The following RGS6 variants were observed in gnomAD, a reference collection of about 807,000 sequenced individuals.
The protein encoded by RGS6 is regulator of G-protein signaling 6.
RGS6 carries 30 observed loss-of-function variants against 78.5 expected under a neutral mutation model. That is an observed-to-expected ratio of 0.38 (90% CI 0.29 to 0.52). The LOEUF (loss-of-function observed/expected upper bound fraction) is 0.52. Among genes scored for constraint, RGS6 ranks in the 20% least tolerant of loss-of-function variants. The pLI, the probability that RGS6 is intolerant of heterozygous loss-of-function variation, is 0.85. For missense variants in RGS6, 495 were observed against 609.7 expected, an observed-to-expected ratio of 0.81 and a Z score of 1.98; for synonymous variants, 206 against 206.0, an observed-to-expected ratio of 1.00 and a Z score of 0.00.
At chr14:72,500,319 C>G (rs1175939067) in intron 13 of RGS6, among the ~76,000 whole-genome samples, 1 of 152,164 alleles carries the variant, frequency 6.6e-6, no homozygotes, top group Non-Finnish European at 1.5e-5. Flanking sequence ...GAAAACGAAG[C>G]CCTGTTTCTT....
In RGS6 at chr14:72,228,670, A is replaced by G. The variant is rs576488321; in HGVS notation, c.85-123425A>G. ...GTAGTGTGGGACTAAGTTCAGAGACATGCTGGAAGTGGAGCAGGCAGGTTA... is the reference window on the plus strand; with the variant it reads ...GTAGTGTGGGACTAAGTTCAGAGACGTGCTGGAAGTGGAGCAGGCAGGTTA... On this transcript the variant is annotated intron_variant, in intron 2 of 17. Transcript: ENST00000553525. Among the ~76,000 whole-genome samples, 174 of 152,318 alleles carry G rather than the reference A, an allele frequency of 1.1e-3. 1 individual carries two copies. Among genetic ancestry groups the G allele is most frequent in the Non-Finnish European group, 2.0e-3 (135 of 68,034 alleles).
chr14:71,891,029 T>A, the RGS6 span, among the ~76,000 whole-genome samples: 1 of 152,194 alleles, frequency 6.6e-6, no homozygotes, highest in African/African-American at 2.4e-5. Context: ...GGGACAGGGG[T>A]ATTTCTCTAG....
chr14:72,481,862 G>T (rs2096386744), intron 12 of RGS6, among the ~76,000 whole-genome samples: 2 of 142,276 alleles, frequency 1.4e-5, no homozygotes, highest in African/African-American at 2.7e-5. Context: ...AGGCTGGAGT[G>T]CAGTGGTGCA....
the RGS6 span, among the ~76,000 whole-genome samples, chr14:71,926,585 G>GAAAAAAAAAAAAAAAAAAAAAAA: frequency 2.0e-5 from 1 of 51,262 alleles, no homozygotes; most frequent in Non-Finnish European, 3.9e-5. Flanking sequence ...CTCTGTCTCA[G>GAAAAAAAAAAAAAAAAAAAAAAA]AAAAAAAAAA....
chr14:71,876,640 C>T, the RGS6 span, among the ~76,000 whole-genome samples: 1 of 151,856 alleles, frequency 6.6e-6, no homozygotes, highest in African/African-American at 2.4e-5. Context: ...ATTTGCCAGT[C>T]TGTGTCTTTT....
At chr14:71,955,503 G>A (rs1342372406) in intron 1 of RGS6, among the ~76,000 whole-genome samples, 1 of 152,150 alleles carries the variant, frequency 6.6e-6, no homozygotes, top group East Asian at 1.9e-4. Flanking sequence ...AGGGCTTCTG[G>A]TTGCCCATTT....
intron 1 of RGS6, among the ~76,000 whole-genome samples, chr14:71,944,938 A>G (rs1055390521): frequency 2.6e-5 from 4 of 152,202 alleles, no homozygotes; most frequent in Non-Finnish European, 4.4e-5. Context: ...ACTGTAGGCA[A>G]TTGTAGCGCA....
intron 2 of RGS6, among the ~76,000 whole-genome samples, chr14:72,219,823 A>G (rs1175645644): frequency 6.6e-6 from 1 of 152,202 alleles, no homozygotes; most frequent in Non-Finnish European, 1.5e-5. Context: ...ATTTTGCATT[A>G]AAATCTTGAC....
intron 2 of RGS6, among the ~76,000 whole-genome samples, chr14:72,184,290 CT>C (rs1031783791): frequency 1.3e-5 from 2 of 150,998 alleles, no homozygotes; most frequent in African/African-American, 4.9e-5. Flanking sequence ...TTACAAATAC[CT>C]TCTTTAAGCT....
intron 2 of RGS6, among the ~76,000 whole-genome samples, chr14:72,238,111 C>T (rs1295632813): frequency 6.6e-6 from 1 of 152,130 alleles, no homozygotes; most frequent in African/African-American, 2.4e-5. Context: ...GGTGCTCTAT[C>T]TCTGAAGCTT....
rs534811650 is a variant in RGS6, at chr14:71,985,389, G to A, written c.84+20514G>A. Reference sequence around the variant, plus strand: ...CGCCCACCTTGGCCTCCCAGAGTGCGGGGATTACAGCTGTGAGCCACCGCA... The same window carrying A: ...CGCCCACCTTGGCCTCCCAGAGTGCAGGGATTACAGCTGTGAGCCACCGCA... On this transcript the variant is annotated intron_variant, in intron 2 of 17. Coordinates refer to ENST00000553525, the MANE Select transcript of RGS6 (RefSeq NM_001204424.2). 9.7e-4 allele frequency among the ~76,000 whole-genome samples: 147 copies of A among 152,200 alleles called. 1 individual carries two copies. The highest frequency in any genetic ancestry group is 1.8e-3 in the Non-Finnish European group (119 of 68,000).
chr14:72,066,024 G>A lies in RGS6; in HGVS notation c.84+101149G>A, dbSNP rs1026404855. On this transcript the variant is annotated intron_variant, in intron 2 of 17. Transcript: ENST00000553525. Reference sequence around the variant, plus strand: ...TTATTAAGCCATGTCTCTGCCTGTTGATTGATGTTAACTATCTGCTTATGG... The same window carrying A: ...TTATTAAGCCATGTCTCTGCCTGTTAATTGATGTTAACTATCTGCTTATGG... 4.7e-5 allele frequency among the ~76,000 whole-genome samples: 7 copies of A among 149,740 alleles called. No individual in the cohort carries two copies. The East Asian group carries it at 1.4e-3, about 30-fold the overall frequency.
chr14:72,521,454 G>A (rs935548187), intron 15 of RGS6, among the ~76,000 whole-genome samples: 3 of 152,162 alleles, frequency 2.0e-5, no homozygotes, highest in East Asian at 1.9e-4. Flanking sequence ...TCAGCCTAAC[G>A]AAGGTTACAT....
At chr14:72,146,817 A>G (rs2096612907) in intron 2 of RGS6, among the ~76,000 whole-genome samples, 1 of 152,024 alleles carries the variant, frequency 6.6e-6, no homozygotes, top group African/African-American at 2.4e-5. Flanking sequence ...TCTTTAAATC[A>G]TTTCCTTCTT....
intron 2 of RGS6, among the ~76,000 whole-genome samples, chr14:72,078,675 C>T (rs1356613899): frequency 6.6e-6 from 1 of 152,174 alleles, no homozygotes; most frequent in African/African-American, 2.4e-5. Flanking sequence ...GCCTTGGCCT[C>T]CCAAAGTGCT....
chr14:72,584,692 C>A, the RGS6 span, among the ~76,000 whole-genome samples: 2,238 of 152,268 alleles, frequency 0.015, 53 homozygotes, highest in African/African-American at 0.052. Flanking sequence ...TCACCACCTG[C>A]AGCTGAGAGA....
chr14:72,249,107 G>A (rs2054977482), intron 2 of RGS6, among the ~76,000 whole-genome samples: 1 of 152,182 alleles, frequency 6.6e-6, no homozygotes, highest in South Asian at 2.1e-4. Context: ...TTAATAACAT[G>A]TATACTTCCT....
intron 2 of RGS6, among the ~76,000 whole-genome samples, chr14:72,226,887 A>G (rs778899043): frequency 1.3e-5 from 2 of 152,162 alleles, no homozygotes; most frequent in South Asian, 2.1e-4. Context: ...GCTTTTTGCC[A>G]TGTTATCCAG....
chr14:72,432,895 G>A (rs1404713839), intron 3 of RGS6, among the ~76,000 whole-genome samples: 1 of 152,152 alleles, frequency 6.6e-6, no homozygotes, highest in African/African-American at 2.4e-5. Context: ...CAGTCTAATG[G>A]CAGCCAGCAG....
Sources: gnomAD v4.1 joint callset for allele counts (sites outside exome capture counted in the v4.1 genomes callset) on GRCh38, gnomAD v4.1.1 for gene constraint, MANE v1.5 for transcripts, NCBI Gene and HGNC (gene_info 2026-07-23, HGNC 2026-07-21) for gene names.